The following PAQR8 variants were observed in gnomAD, a reference collection of about 807,000 sequenced individuals.
The protein encoded by PAQR8 is membrane progestin receptor beta.
A neutral mutation model predicts 25.2 loss-of-function variants in PAQR8; 17 were observed. The observed-to-expected ratio is 0.67, with a 90% confidence interval of 0.46 to 1.01. PAQR8 has a LOEUF of 1.01. Ranked by LOEUF, PAQR8 falls within the 50% of genes least tolerant of loss-of-function variation. The pLI, the probability that PAQR8 is intolerant of heterozygous loss-of-function variation, is 0.00. For missense variants in PAQR8, 392 were observed against 448.4 expected (o/e 0.87, Z 1.14); for synonymous variants, 204 against 190.6 (o/e 1.07, Z -0.58).
chr6:52,367,716 C>T (rs1562426199), intron 1 of PAQR8, among the ~76,000 whole-genome samples: 1 of 152,146 alleles, frequency 6.6e-6, no homozygotes, highest in Non-Finnish European at 1.5e-5. Flanking sequence ...CAGGACAGTC[C>T]CCCAGACTTG....
chr6:52,380,621 G>A (rs1763548040), intron 1 of PAQR8, among the ~76,000 whole-genome samples: 1 of 152,214 alleles, frequency 6.6e-6, no homozygotes, highest in Admixed American at 6.5e-5. Context: ...AAGTTGTGGT[G>A]CCTTGGGAGC....
At chr6:52,397,258 A>G (rs75089818) in intron 1 of PAQR8, among the ~76,000 whole-genome samples, 5,614 of 152,162 alleles carry the variant, frequency 0.037, 325 homozygotes, top group African/African-American at 0.12. Flanking sequence ...TCCCTTCCTC[A>G]TTACTCCCCA....
chr6:52,381,674 A>G (rs1258869171), intron 1 of PAQR8, among the ~76,000 whole-genome samples: 1 of 152,172 alleles, frequency 6.6e-6, no homozygotes, highest in African/African-American at 2.4e-5. Flanking sequence ...ATTCTTATCC[A>G]CCCAATGTTT....
At chr6:52,374,181 C>A (rs1013524584) in intron 1 of PAQR8, among the ~76,000 whole-genome samples, 1 of 152,170 alleles carries the variant, frequency 6.6e-6, no homozygotes, top group Non-Finnish European at 1.5e-5. Context: ...AGAACCGTGG[C>A]CAATTAAACC....
intron 1 of PAQR8, among the ~76,000 whole-genome samples, chr6:52,399,888 C>T (rs1239134803): frequency 6.6e-6 from 1 of 152,210 alleles, no homozygotes; most frequent in East Asian, 1.9e-4. Flanking sequence ...TATCCCACAT[C>T]CCAGGCCCAT....
At chr6:52,370,569 C>G (rs77095515) in intron 1 of PAQR8, among the ~76,000 whole-genome samples, 3,987 of 152,150 alleles carry the variant, frequency 0.026, 183 homozygotes, top group African/African-American at 0.091. Context: ...TGCAGTACCC[C>G]TCAGTGTGAG....
intron 1 of PAQR8, among the ~76,000 whole-genome samples, chr6:52,390,564 A>G (rs1763692562): frequency 6.6e-6 from 1 of 152,184 alleles, no homozygotes; most frequent in African/African-American, 2.4e-5. Flanking sequence ...CAGCCGTACC[A>G]CAAACCCACA....
At chr6:52,394,323 C>A (rs973762663) in intron 1 of PAQR8, among the ~76,000 whole-genome samples, 3 of 152,106 alleles carry the variant, frequency 2.0e-5, no homozygotes, top group Non-Finnish European at 2.9e-5. Flanking sequence ...ACAACTATCA[C>A]CAAAAACGTG....
At chr6:52,365,270 T>G (rs1352599727) in intron 1 of PAQR8, among the ~76,000 whole-genome samples, 1 of 152,194 alleles carries the variant, frequency 6.6e-6, no homozygotes, top group Non-Finnish European at 1.5e-5. Flanking sequence ...CTTTGGGATT[T>G]CATGGCACAC....
intron 1 of PAQR8, among the ~76,000 whole-genome samples, chr6:52,388,068 A>G (rs936726215): frequency 1.1e-4 from 16 of 152,222 alleles, no homozygotes; most frequent in African/African-American, 3.9e-4. Context: ...TTCCTTATAT[A>G]TTATAATGTA....
At chr6:52,365,481 G>A (rs1342421085) in intron 1 of PAQR8, among the ~76,000 whole-genome samples, 1 of 152,162 alleles carries the variant, frequency 6.6e-6, no homozygotes, top group African/African-American at 2.4e-5. Context: ...TGATGAAGAT[G>A]AAATAACATT....
intron 1 of PAQR8, among the ~76,000 whole-genome samples, chr6:52,388,656 A>G (rs933132339): frequency 6.6e-6 from 1 of 152,202 alleles, no homozygotes; most frequent in Non-Finnish European, 1.5e-5. Flanking sequence ...CTGGACACCA[A>G]ATCTGCTGGT....
At chr6:52,387,375 C>T (rs143610333) in intron 1 of PAQR8, among the ~76,000 whole-genome samples, 31 of 152,326 alleles carry the variant, frequency 2.0e-4, no homozygotes, top group African/African-American at 3.8e-4. Context: ...TCTTGGGACA[C>T]GGGTCAGAAT....
chr6:52,371,586 T>G (rs1763419750), intron 1 of PAQR8, among the ~76,000 whole-genome samples: 2 of 152,174 alleles, frequency 1.3e-5, no homozygotes, highest in Non-Finnish European at 2.9e-5. Context: ...TATTAAACTC[T>G]TTATAATTAT....
At chr6:52,394,096 A>T (rs895151125) in intron 1 of PAQR8, among the ~76,000 whole-genome samples, 1 of 152,154 alleles carries the variant, frequency 6.6e-6, no homozygotes, top group African/African-American at 2.4e-5. Context: ...TGTGAGAGAT[A>T]ATAAGGACTC....
intron 1 of PAQR8, among the ~76,000 whole-genome samples, chr6:52,381,797 A>G (rs1763563517): frequency 6.6e-6 from 1 of 152,114 alleles, no homozygotes; most frequent in Non-Finnish European, 1.5e-5. Flanking sequence ...TTATGCATAC[A>G]CAGCTCTCTA....
chr6:52,378,970 G>A (rs1024956351), intron 1 of PAQR8, among the ~76,000 whole-genome samples: 4 of 151,592 alleles, frequency 2.6e-5, no homozygotes, highest in South Asian at 2.1e-4. Context: ...GGTGGTGGGC[G>A]CCTGTAGTCC....
Position 52,406,681 on chromosome 6 carries a change from G to A in PAQR8, c.*2403G>A, listed in dbSNP as rs1763914187. On this transcript the variant is annotated 3_prime_UTR_variant, in exon 2 of 2. Coordinates refer to ENST00000442253, the MANE Select transcript of PAQR8 (RefSeq NM_133367.5). The stretch of plus-strand genomic sequence containing the variant: ...CAGCTCAAGCAATCCTCCCACCTCA[G>A]CCTCCTAAGTACCTGGTACTACAGG... The A allele has an allele frequency of 2.5e-6, 1 of 404,342 alleles. No individual in the cohort carries two copies. Among genetic ancestry groups the A allele is most frequent in the Non-Finnish European group, 4.4e-6 (1 of 225,046 alleles). 25.0% of individuals were successfully genotyped at this position (404,342 alleles called of 1,614,324 possible). A position where few individuals can be genotyped will look rare whatever the true frequency, so the allele number is the denominator to read the frequency against.
intron 1 of PAQR8, among the ~76,000 whole-genome samples, chr6:52,382,968 T>C (rs1581792426): frequency 1.3e-5 from 2 of 152,230 alleles, no homozygotes; most frequent in South Asian, 2.1e-4. Context: ...AGTTATTTTG[T>C]AGAAACAGGA....
Sources: allele counts gnomAD v4.1 joint callset (sites outside exome capture counted in the v4.1 genomes callset), GRCh38; gene constraint gnomAD v4.1.1; transcripts MANE v1.5; gene names NCBI Gene and HGNC (gene_info 2026-07-23, HGNC 2026-07-21).